Variants in RMDN2 observed in about 807,000 individuals in gnomAD.
The protein encoded by RMDN2 is regulator of microtubule dynamics 2, also known as regulator of microtubule dynamics protein 2.
Under a neutral mutation model 52.8 loss-of-function variants are expected in RMDN2, and 61 were observed. The observed-to-expected ratio is 1.16, with a 90% confidence interval of 0.94 to 1.43. The LOEUF is 1.43. Ranked by LOEUF, RMDN2 falls within the 40% of genes most tolerant of loss-of-function variation. The probability of loss-of-function intolerance (pLI) is 0.00; values close to 1 mark genes in which losing one functional copy is unlikely to be tolerated. For synonymous variants in RMDN2, 180 were observed against 153.1 expected, an observed-to-expected ratio of 1.18 and a Z score of -1.30; for missense variants, 592 against 475.3, an observed-to-expected ratio of 1.25 and a Z score of -2.28.
intron 2 of RMDN2, chr2:37,953,170 A>G (rs1424398575): frequency 6.6e-6 from 1 of 151,748 alleles, no homozygotes; most frequent in African/African-American, 2.4e-5. Context: ...TGGCCTTTTG[A>G]TTTTAATTTT....
intron 8 of RMDN2, among the ~76,000 whole-genome samples, chr2:37,999,220 T>G (rs946723640): frequency 1.3e-5 from 2 of 152,122 alleles, no homozygotes; most frequent in African/African-American, 4.8e-5. Flanking sequence ...GACTACCTGG[T>G]TAAATCTCAG....
intron 10 of RMDN2, among the ~76,000 whole-genome samples, chr2:38,031,256 C>CTTT (rs552306141): frequency 2.1e-3 from 219 of 105,812 alleles, no homozygotes; most frequent in Non-Finnish European, 2.6e-3. Context: ...CTTTGTTTCC[C>CTTT]TTTTTTTTTT....
intron 10 of RMDN2, among the ~76,000 whole-genome samples, chr2:38,040,156 A>G (rs1467378732): frequency 6.6e-6 from 1 of 151,480 alleles, no homozygotes; most frequent in Non-Finnish European, 1.5e-5. Context: ...GCCTTTTACT[A>G]TTTGTCAAAG....
rs1668680976 is a variant in RMDN2, at chr2:37,950,786, A to G, written c.452+21057A>G. On this transcript the variant is annotated intron_variant, in intron 2 of 10. Transcript: ENST00000354545. ...TAATATTTTAAAATACAATTAGTCA[A>G]CAGAATATAAGTTTATTCTCCTTAA... Among the ~76,000 whole-genome samples, 2 of 152,186 alleles carry G rather than the reference A, an allele frequency of 1.3e-5. 1 individual carries two copies. Among genetic ancestry groups the G allele is most frequent in the East Asian group, 3.8e-4 (2 of 5,202 alleles).
At chr2:37,959,080 C>T (rs1558471671) in intron 2 of RMDN2, among the ~76,000 whole-genome samples, 2 of 151,128 alleles carry the variant, frequency 1.3e-5, no homozygotes, top group African/African-American at 2.5e-5. Flanking sequence ...ATTTTTGCAT[C>T]GATCTTCATC....
chr2:37,974,938 C>A, intron 3 of RMDN2: 1 of 310,756 alleles, frequency 3.2e-6, no homozygotes, highest in Non-Finnish European at 5.9e-6. Flanking sequence ...GATTTTGGTG[C>A]CTATCAAATC....
chr2:37,977,370 G>T (rs1672624433), intron 4 of RMDN2, among the ~76,000 whole-genome samples: 1 of 152,158 alleles, frequency 6.6e-6, no homozygotes, highest in Non-Finnish European at 1.5e-5. Context: ...CTCCCAGACG[G>T]GGTGGTGGCC....
chr2:38,001,739 T>C (rs1368663134), intron 8 of RMDN2, among the ~76,000 whole-genome samples: 1 of 152,164 alleles, frequency 6.6e-6, no homozygotes, highest in Non-Finnish European at 1.5e-5. Context: ...GTCCCTCTTA[T>C]TAGAATGGCT....
chr2:37,951,218 T>A, intron 2 of RMDN2: 1 of 1,538,950 alleles, frequency 6.5e-7, no homozygotes, highest in Non-Finnish European at 8.7e-7. Context: ...CATTTGACCC[T>A]TTTCTCACTC....
At chr2:38,016,070 T>C (rs1293786278) in intron 10 of RMDN2, among the ~76,000 whole-genome samples, 1 of 152,220 alleles carries the variant, frequency 6.6e-6, no homozygotes, top group Non-Finnish European at 1.5e-5. Flanking sequence ...CATATAGCTA[T>C]GCAGCTGACC....
chr2:37,989,185 A>C (rs1375319400), intron 5 of RMDN2, among the ~76,000 whole-genome samples: 3 of 152,202 alleles, frequency 2.0e-5, no homozygotes, highest in Admixed American at 2.0e-4. Context: ...TAATGTGATT[A>C]GACTTTTTCT....
In RMDN2 at chr2:37,950,499, C is replaced by T. The variant is rs755053037; in HGVS notation, c.452+20770C>T. 3.7e-6 allele frequency: 6 copies of T among 1,612,488 alleles called. No homozygotes were observed. In the Admixed American group the frequency reaches 8.3e-5, roughly 22 times the overall value. On this transcript the variant is annotated intron_variant, in intron 2 of 10. Coordinates refer to ENST00000354545, the MANE Select transcript of RMDN2 (RefSeq NM_001170791.3). ...TGAGCATTCAGTCTTCTGACCTGTT[C>T]CACCTCTACAGGGCATTTTATGGCT...
chr2:38,004,182 A>C lies in RMDN2; in HGVS notation c.1145A>C (p.Asn382Thr), dbSNP rs779111534. 1.9e-6 allele frequency: 3 copies of C among 1,613,808 alleles called. No homozygotes were observed. The South Asian group carries it at 3.3e-5, about 18-fold the overall frequency. The change falls in exon 10 of 11, where the codon AAT becomes ACT. Residue 382 changes from asparagine (N) to threonine (T), a missense_variant. Asn to Thr is a moderately conservative substitution (Grantham distance 65). Transcript: ENST00000354545. ...AACCAGAATGCTTTGAAGTTCTGTA[A>C]TTTGGCTTTATTGCTTCCTACTGTT... ...EENQNALKFC[N>T]LALLLPTVTK...
chr2:38,023,249 T>G (rs1006189712), intron 10 of RMDN2, among the ~76,000 whole-genome samples: 1 of 152,044 alleles, frequency 6.6e-6, no homozygotes, highest in Non-Finnish European at 1.5e-5. Flanking sequence ...GGTCAGCCAC[T>G]GTACAATCCT....
intron 5 of RMDN2, among the ~76,000 whole-genome samples, chr2:37,986,835 A>G (rs902854828): frequency 4.6e-5 from 7 of 152,218 alleles, no homozygotes; most frequent in Middle Eastern, 3.4e-3. Context: ...TTGATAAAGA[A>G]CATTTACAGG....
intron 2 of RMDN2, among the ~76,000 whole-genome samples, chr2:37,966,582 A>C (rs1373939966): frequency 2.0e-5 from 3 of 152,006 alleles, no homozygotes; most frequent in Non-Finnish European, 4.4e-5. Flanking sequence ...TAGGTCCTTT[A>C]GGCTCTATTT....
chr2:37,971,561 G>A (rs1449743603), intron 2 of RMDN2, among the ~76,000 whole-genome samples: 1 of 152,062 alleles, frequency 6.6e-6, no homozygotes, highest in Admixed American at 6.5e-5. Flanking sequence ...ATAAGGTAGA[G>A]TTTCAATTTC....
At chr2:37,940,395 G>A (rs1329340874) in intron 2 of RMDN2, among the ~76,000 whole-genome samples, 1 of 152,086 alleles carries the variant, frequency 6.6e-6, no homozygotes, top group Non-Finnish European at 1.5e-5. Context: ...GCTTTGTGGT[G>A]TTCTCTGTAT....
At chr2:37,987,290 A>T (rs1003181183) in intron 5 of RMDN2, among the ~76,000 whole-genome samples, 1 of 152,218 alleles carries the variant, frequency 6.6e-6, no homozygotes, top group Non-Finnish European at 1.5e-5. Context: ...AGAAACGCTT[A>T]ACAAATATTC....
Sources: allele counts gnomAD v4.1 joint callset (sites outside exome capture counted in the v4.1 genomes callset), GRCh38; gene constraint gnomAD v4.1.1; transcripts MANE v1.5; gene names NCBI Gene and HGNC (gene_info 2026-07-23, HGNC 2026-07-21).